GATA6: variants seen among roughly 807,000 people sequenced by gnomAD.
GATA6 encodes the protein GATA binding protein 6.
A neutral mutation model predicts 48.1 loss-of-function variants in GATA6; 11 were observed. The ratio of observed to expected loss-of-function variants is 0.23; its 90% CI spans 0.14 to 0.38. The LOEUF is 0.38. Ranked by LOEUF, GATA6 falls within the 10% of genes least tolerant of loss-of-function variation. The pLI, the probability that GATA6 is intolerant of heterozygous loss-of-function variation, is 1.00. For missense variants in GATA6, 795 were observed against 850.3 expected (o/e 0.93, Z 0.81); for synonymous variants, 419 against 396.1 (o/e 1.06, Z -0.69).
Position 22,200,993 on chromosome 18 carries a change from A to C in GATA6, c.*170A>C, listed in dbSNP as rs758354146. The stretch of plus-strand genomic sequence containing the variant: ...AGAGGCTTGCTGAAAGAGTGAGAGA[A>C]GATGGAAGGGAAGGGCCAGTGCAAC... On this transcript the variant is annotated 3_prime_UTR_variant, in exon 7 of 7. Transcript: ENST00000269216. 1.3e-5 allele frequency: 11 copies of C among 870,806 alleles called. No homozygotes were observed. Among genetic ancestry groups the C allele is most frequent in the African/African-American group, 8.4e-5 (5 of 59,230 alleles). The allele number at this position is 870,806 out of a possible 1,614,324, so 53.9% of individuals were successfully genotyped here.
chr18:22,189,465 T>A (rs2033302276), intron 6 of GATA6, among the ~76,000 whole-genome samples: 1 of 152,206 alleles, frequency 6.6e-6, no homozygotes, highest in Non-Finnish European at 1.5e-5. Context: ...TCCACTGTCT[T>A]TTTCTTCAAG....
At chr18:22,193,597 G>A (rs2033353256) in intron 6 of GATA6, among the ~76,000 whole-genome samples, 1 of 152,186 alleles carries the variant, frequency 6.6e-6, no homozygotes, top group South Asian at 2.1e-4. Context: ...GTGTAGGAAG[G>A]ACGGATCAGA....
At chr18:22,179,761 C>T (rs2033170363) in intron 3 of GATA6, among the ~76,000 whole-genome samples, 1 of 152,182 alleles carries the variant, frequency 6.6e-6, no homozygotes, top group African/African-American at 2.4e-5. Flanking sequence ...TCCCAGGTAG[C>T]TCTCCTGTGA....
rs1014382084 is a variant in GATA6, at chr18:22,171,887, G to A, written c.743G>A (p.Gly248Glu). The A allele has an allele frequency of 1.6e-5, 18 of 1,151,904 alleles. No individual in the cohort carries two copies. The highest frequency in any genetic ancestry group is 4.3e-5 in the East Asian group (1 of 23,410). The allele number at this position is 1,151,904 out of a possible 1,614,324, so 71.4% of individuals were successfully genotyped here. A position where few individuals can be genotyped will look rare whatever the true frequency, so the allele number is the denominator to read the frequency against. ...GGCGCGGCTGGCGGCGGGGCCGCGG[G>A]GCCTGGCGGCGCTGGCTCAGCCGCG... ...GGGAAGGGAA[G>E]PGGAGSAAAH... The change falls in exon 2 of 7, where the codon GGG becomes GAG. Residue 248 changes from glycine (G) to glutamate (E), a missense_variant. Gly to Glu is a moderately conservative substitution (Grantham distance 98). This residue lies in a region of GATA6 where 591 missense variants were observed against 570.0 expected (regional missense o/e 1.04). Coordinates refer to ENST00000269216, the MANE Select transcript of GATA6 (RefSeq NM_005257.6). This position sits in a 1 kb window ranked among gnomAD's most constrained non-coding sequence, Gnocchi z 7.1.
At chr18:22,191,587 G>T (rs1321867742) in intron 6 of GATA6, among the ~76,000 whole-genome samples, 1 of 152,134 alleles carries the variant, frequency 6.6e-6, no homozygotes, top group Non-Finnish European at 1.5e-5. Flanking sequence ...TGAAGATCCA[G>T]TGGATATGAA....
At position 22,171,005 on chromosome 18, in the gene GATA6, C is replaced by A. The variant is rs934969536; in HGVS notation, c.-37-103C>A. On this transcript the variant is annotated intron_variant, in intron 1 of 6. Coordinates refer to ENST00000269216, the MANE Select transcript of GATA6 (RefSeq NM_005257.6). The surrounding 1 kb of genome is among the most constrained non-coding windows in gnomAD (Gnocchi z 7.1). ...AATGGGATCTTTGAGAAGTCAGATC[C>A]CATTTGAACTAGAAAAAGGAGTGGA... 2.8e-6 allele frequency: 2 copies of A among 711,150 alleles called. No individual in the cohort carries two copies. The highest frequency in any genetic ancestry group is 5.0e-6 in the Non-Finnish European group (2 of 403,928). The allele number at this position is 711,150 out of a possible 1,614,324, so 44.1% of individuals were successfully genotyped here. A position where few individuals can be genotyped will look rare whatever the true frequency, so the allele number is the denominator to read the frequency against.
In GATA6 at chr18:22,177,053, A is replaced by G; in HGVS notation, c.1234A>G (p.Asn412Asp). The G allele has an allele frequency of 6.3e-7, 1 of 1,576,532 alleles. No homozygotes were observed. Among genetic ancestry groups the G allele is most frequent in the Non-Finnish European group, 8.6e-7 (1 of 1,162,826 alleles). The part of the protein sequence containing the change: ...RRDGTGHYLC[N>D]ACGLYSKMNG... ...GGACGGCACCGGCCACTACCTGTGCAACGCCTGCGGGCTCTACAGCAAGAT... is the reference window on the plus strand; with the variant it reads ...GGACGGCACCGGCCACTACCTGTGCGACGCCTGCGGGCTCTACAGCAAGAT... Residue 412 changes from asparagine (N) to aspartate (D), a missense_variant, in exon 3 of 7, where the codon AAC becomes GAC. Physicochemically the swap from Asn to Asp is conservative, Grantham distance 23. Transcript: ENST00000269216.
intron 6 of GATA6, among the ~76,000 whole-genome samples, chr18:22,189,962 T>C (rs1185421662): frequency 6.6e-6 from 1 of 152,248 alleles, no homozygotes; most frequent in Non-Finnish European, 1.5e-5. Flanking sequence ...TGGTTTCACG[T>C]TGGCCGCAGG....
At chr18:22,174,238 G>A (rs1415133482) in intron 2 of GATA6, among the ~76,000 whole-genome samples, 1 of 152,218 alleles carries the variant, frequency 6.6e-6, no homozygotes, top group Non-Finnish European at 1.5e-5. Flanking sequence ...TCTGCAGATT[G>A]AGCCAGCGCC....
At chr18:22,180,631 A>T (rs957015915) in intron 3 of GATA6, among the ~76,000 whole-genome samples, 5 of 152,188 alleles carry the variant, frequency 3.3e-5, no homozygotes, top group African/African-American at 1.2e-4. Flanking sequence ...AAATGCAGGC[A>T]GCAGGCAATC....
At chr18:22,177,527 A>T (rs903571993) in intron 3 of GATA6, among the ~76,000 whole-genome samples, 1 of 152,254 alleles carries the variant, frequency 6.6e-6, no homozygotes, top group Non-Finnish European at 1.5e-5. Flanking sequence ...CTGGTAAGAT[A>T]GGCAAGAAAT....
chr18:22,199,998 A>G (rs1042097112), intron 6 of GATA6, among the ~76,000 whole-genome samples: 7 of 152,078 alleles, frequency 4.6e-5, no homozygotes, highest in Non-Finnish European at 1.0e-4. Context: ...TGCTTCAGAC[A>G]TGGACTGTTC....
chr18:22,183,369 T>A (rs2143305054), intron 6 of GATA6, among the ~76,000 whole-genome samples: 1 of 152,346 alleles, frequency 6.6e-6, no homozygotes, highest in Admixed American at 6.5e-5. Flanking sequence ...ATTATATGTG[T>A]ATATTTATGT....
intron 2 of GATA6, among the ~76,000 whole-genome samples, chr18:22,175,015 C>T (rs2033102813): frequency 6.6e-6 from 1 of 152,080 alleles, no homozygotes; most frequent in African/African-American, 2.4e-5. Context: ...GTGCCCTTCT[C>T]CCCTGAATCT....
chr18:22,190,603 T>C (rs994210775), intron 6 of GATA6, among the ~76,000 whole-genome samples: 2 of 152,242 alleles, frequency 1.3e-5, no homozygotes, highest in East Asian at 1.9e-4. Flanking sequence ...GAGAGAGTTA[T>C]GTGGTTAGGT....
chr18:22,186,680 C>T (rs1157229381), intron 6 of GATA6, among the ~76,000 whole-genome samples: 2 of 152,186 alleles, frequency 1.3e-5, no homozygotes, highest in African/African-American at 4.8e-5. Context: ...TCCAGGGCTC[C>T]CCTCCCCTAG....
At position 22,170,341 on chromosome 18, in the gene GATA6, C is replaced by A. The variant is rs1259252296; in HGVS notation, c.-38+659C>A. Among the ~76,000 whole-genome samples, 1 of 152,232 alleles carries A rather than the reference C, an allele frequency of 6.6e-6. No homozygotes were observed. Among genetic ancestry groups the A allele is most frequent in the African/African-American group, 2.4e-5 (1 of 41,466 alleles). The stretch of plus-strand genomic sequence containing the variant: ...GAGCGCGCACGCTGGTGGCTGCAGG[C>A]GCGGGCCGTGTCTAAGGTGTGCGGC... On this transcript the variant is annotated intron_variant, in intron 1 of 6. Transcript: ENST00000269216. The surrounding 1 kb of genome is among the most constrained non-coding windows in gnomAD (Gnocchi z 6.7).
In GATA6 at chr18:22,202,429, G is replaced by T. The variant is rs2033475305; in HGVS notation, c.*1606G>T. Reference sequence around the variant, plus strand: ...CGTTACCCCCAACAGAAGATAGGTAGAAATGATTCCAGTGGCCTCTTTGTA... The same window carrying T: ...CGTTACCCCCAACAGAAGATAGGTATAAATGATTCCAGTGGCCTCTTTGTA... On this transcript the variant is annotated 3_prime_UTR_variant, in exon 7 of 7. Transcript: ENST00000269216. 6.6e-6 allele frequency: 1 copy of T among 152,208 alleles called. No individual in the cohort carries two copies. Among genetic ancestry groups the T allele is most frequent in the African/African-American group, 2.4e-5 (1 of 41,458 alleles). 9.4% of individuals were successfully genotyped at this position (152,208 alleles called of 1,614,324 possible). A position where few individuals can be genotyped will look rare whatever the true frequency, so the allele number is the denominator to read the frequency against.
At chr18:22,198,239 T>A (rs2033416008) in intron 6 of GATA6, among the ~76,000 whole-genome samples, 1 of 152,044 alleles carries the variant, frequency 6.6e-6, no homozygotes, top group South Asian at 2.1e-4. Flanking sequence ...CCCAGCTAAC[T>A]TTTGTATTTT....
Sources: allele counts gnomAD v4.1 joint callset (sites outside exome capture counted in the v4.1 genomes callset), GRCh38; gene constraint gnomAD v4.1.1; regional missense constraint gnomAD v4.1.1; non-coding constraint Gnocchi (gnomAD v3.1); transcripts MANE v1.5; gene names NCBI Gene and HGNC (gene_info 2026-07-23, HGNC 2026-07-21).